RELN: variants seen among roughly 807,000 people sequenced by gnomAD.
RELN encodes reelin.
RELN carries 108 observed loss-of-function variants against 427.6 expected under a neutral mutation model. The observed-to-expected ratio is 0.25, with a 90% confidence interval of 0.22 to 0.30. The LOEUF is 0.30. Ranked by LOEUF, RELN falls within the 10% of genes least tolerant of loss-of-function variation. The pLI, the probability that RELN is intolerant of heterozygous loss-of-function variation, is 1.00. For missense variants in RELN, 3,715 were observed against 4,302.8 expected, an observed-to-expected ratio of 0.86 and a Z score of 3.82; for synonymous variants, 1,524 against 1,513.4, an observed-to-expected ratio of 1.01 and a Z score of -0.16.
At chr7:103,781,883 T>C (rs3819484) in intron 3 of RELN, among the ~76,000 whole-genome samples, 6,472 of 152,156 alleles carry the variant, frequency 0.043, 458 homozygotes, top group East Asian at 0.31. Flanking sequence ...ATCACACTGA[T>C]GGTGTTATTA....
At position 103,610,706 on chromosome 7, in the gene RELN, G is replaced by C. The variant is rs1210444058; in HGVS notation, c.2997C>G (p.Pro999=). The change falls in exon 22 of 65, where the codon CCC becomes CCG. Residue 999 remains proline (P), a synonymous_variant. Coordinates refer to ENST00000428762, the MANE Select transcript of RELN (RefSeq NM_005045.4). ...AGATGTCATCTCACCAAGTTTTCTG[G>C]GGAAGAAGCACTATGACTCTCCTCC... ...TQWRRVIVLL[P]QKTWSSATRF... is the part of the protein sequence containing the mutation. 1.3e-6 allele frequency: 2 copies of C among 1,561,832 alleles called. No homozygotes were observed. The highest frequency in any genetic ancestry group is 1.7e-5 in the Admixed American group (1 of 59,932).
intron 46 of RELN, among the ~76,000 whole-genome samples, chr7:103,525,821 CT>C (rs997791311): frequency 6.6e-6 from 1 of 151,968 alleles, no homozygotes; most frequent in Non-Finnish European, 1.5e-5. Context: ...CTTGGTTCCC[CT>C]AATATCTTAC....
At chr7:103,483,595 CCAGGGATTCA>C in intron 62 of RELN, 48 bp downstream of exon 62, 1 of 1,566,454 alleles carries the variant, frequency 6.4e-7, no homozygotes, top group Non-Finnish European at 8.8e-7. Context: ...TTTGTGATTC[CCAGGGATTCA>C]CAAAGGGATT....
intron 2 of RELN, among the ~76,000 whole-genome samples, chr7:103,891,198 T>C (rs1298321215): frequency 6.6e-6 from 1 of 152,214 alleles, no homozygotes; most frequent in Non-Finnish European, 1.5e-5. Context: ...CTCTAAAAAG[T>C]CTTCCTCACC....
At chr7:103,875,784 T>C (rs1468612409) in intron 2 of RELN, among the ~76,000 whole-genome samples, 1 of 152,230 alleles carries the variant, frequency 6.6e-6, no homozygotes, top group East Asian at 1.9e-4. Context: ...AATTGATGAA[T>C]GGAAATCACC....
At chr7:103,771,459 C>T (rs531166206) in intron 4 of RELN, among the ~76,000 whole-genome samples, 13 of 152,248 alleles carry the variant, frequency 8.5e-5, no homozygotes, top group South Asian at 4.1e-4. Context: ...GCATTGCCTC[C>T]GCAGCATCAA....
At chr7:103,761,191 A>T (rs1562996901) in intron 4 of RELN, among the ~76,000 whole-genome samples, 1 of 152,230 alleles carries the variant, frequency 6.6e-6, no homozygotes. Context: ...AAATAGGAAC[A>T]AAATGAAAAT....
At chr7:103,701,776 GT>G (rs957109566) in intron 8 of RELN, among the ~76,000 whole-genome samples, 5 of 152,160 alleles carry the variant, frequency 3.3e-5, no homozygotes, top group Admixed American at 3.3e-4. Context: ...GAAGTTTATT[GT>G]AATGGATGTA....
intron 2 of RELN, among the ~76,000 whole-genome samples, chr7:103,915,077 T>C (rs868202909): frequency 6.6e-6 from 1 of 152,230 alleles, no homozygotes; most frequent in African/African-American, 2.4e-5. Context: ...CCCTTCCCTC[T>C]TGATTCCAAG....
At chr7:103,931,906 G>A (rs921656165) in intron 1 of RELN, among the ~76,000 whole-genome samples, 1 of 152,042 alleles carries the variant, frequency 6.6e-6, no homozygotes, top group Non-Finnish European at 1.5e-5. Flanking sequence ...AGGAAGGGCA[G>A]TCAATAAGAA....
intron 1 of RELN, among the ~76,000 whole-genome samples, chr7:103,924,982 GC>G (rs1361517783): frequency 4.7e-5 from 2 of 42,220 alleles, no homozygotes; most frequent in Non-Finnish European, 1.2e-4. Context: ...GTGTGCATGC[GC>G]ATACACATAC....
At chr7:103,688,608 T>C (rs895549297) in intron 10 of RELN, among the ~76,000 whole-genome samples, 7 of 152,146 alleles carry the variant, frequency 4.6e-5, no homozygotes, top group African/African-American at 1.4e-4. Context: ...GCTAAATTTT[T>C]CGGACAAATT....
At chr7:103,578,999 A>T (rs1351695275) in intron 28 of RELN, among the ~76,000 whole-genome samples, 3 of 152,340 alleles carry the variant, frequency 2.0e-5, no homozygotes, top group East Asian at 3.9e-4. Context: ...CTTATTCAAC[A>T]TCCCTTCATT....
intron 1 of RELN, among the ~76,000 whole-genome samples, chr7:103,943,848 C>CAAAAAAAAAAA (rs10631941): frequency 1.7e-4 from 13 of 76,434 alleles, no homozygotes; most frequent in African/African-American, 6.5e-4. Context: ...ATTCTGTCTC[C>CAAAAAAAAAAA]AAAAAAAAAA....
chr7:103,700,202 T>C (rs1390199539), intron 9 of RELN, among the ~76,000 whole-genome samples: 2 of 152,114 alleles, frequency 1.3e-5, no homozygotes, highest in Non-Finnish European at 2.9e-5. Context: ...TTTTTTCCTT[T>C]AAATATCTTA....
At chr7:103,723,840 A>C (rs913258815) in intron 7 of RELN, among the ~76,000 whole-genome samples, 1 of 152,176 alleles carries the variant, frequency 6.6e-6, no homozygotes, top group Admixed American at 6.5e-5. Context: ...AATGAAGAAA[A>C]GAAATAGAAT....
At chr7:103,789,812 A>G (rs1024930145) in intron 3 of RELN, among the ~76,000 whole-genome samples, 3 of 152,226 alleles carry the variant, frequency 2.0e-5, no homozygotes, top group Non-Finnish European at 2.9e-5. Flanking sequence ...ATACCATTGC[A>G]CCCAGCAATC....
chr7:103,656,928 G>A (rs1161350913), intron 12 of RELN, among the ~76,000 whole-genome samples: 1 of 152,026 alleles, frequency 6.6e-6, no homozygotes, highest in Non-Finnish European at 1.5e-5. Flanking sequence ...GGCCAAGAAA[G>A]GTTATATAAT....
At chr7:103,527,584 T>C (rs1265318957) in intron 46 of RELN, among the ~76,000 whole-genome samples, 1 of 152,240 alleles carries the variant, frequency 6.6e-6, no homozygotes, top group Non-Finnish European at 1.5e-5. Flanking sequence ...TATATGTGTC[T>C]TGACTTCTGT....
Sources: gnomAD v4.1 joint callset for allele counts (sites outside exome capture counted in the v4.1 genomes callset) on GRCh38, gnomAD v4.1.1 for gene constraint, MANE v1.5 for transcripts, NCBI Gene and HGNC (gene_info 2026-07-23, HGNC 2026-07-21) for gene names.